Variants in DTX2 observed in about 807,000 individuals in gnomAD.
DTX2 encodes the protein deltex E3 ubiquitin ligase 2, also known as probable E3 ubiquitin-protein ligase DTX2.
A neutral mutation model predicts 55.3 loss-of-function variants in DTX2; 29 were observed. The ratio of observed to expected loss-of-function variants is 0.52; its 90% CI spans 0.39 to 0.71. The LOEUF is 0.71. DTX2 is among the 30% of genes least tolerant of loss of function. DTX2 has a pLI of 0.00. For missense variants in DTX2, 537 were observed against 822.5 expected (o/e 0.65, Z 4.25); for synonymous variants, 276 against 340.4 (o/e 0.81, Z 2.08).
chr7:76,493,764 A>G (rs1255023807), intron 5 of DTX2, among the ~76,000 whole-genome samples: 2 of 124,012 alleles, frequency 1.6e-5, no homozygotes, highest in South Asian at 3.0e-4. Context: ...GTGGAGGGGG[A>G]GGTTTGGCTT....
rs1388377995 is a variant in DTX2 at position 76,498,794 on chromosome 7, G to GTGGA, written c.1150+1317_1150+1318insTGGA. ...GGATTTGGGTTCGGGCAGTCTGTAT[G>GTGGA]GGTGTGTGGAGGTGTGGGGTGTGTG... is the stretch of plus-strand genomic sequence containing the variant. On this transcript the variant is annotated intron_variant, in intron 6 of 10. Transcript: ENST00000430490. Among the ~76,000 whole-genome samples, 567 of 125,888 alleles carry GTGGA rather than the reference G, an allele frequency of 4.5e-3. 1 individual carries two copies. The highest frequency in any genetic ancestry group is 0.011 in the South Asian group (43 of 3,778). The allele number at this position is 125,888 out of a possible 152,430, so 82.6% of individuals were successfully genotyped here. A position where few individuals can be genotyped will look rare whatever the true frequency, so the allele number is the denominator to read the frequency against.
In DTX2 at chr7:76,502,441, C is replaced by A; in HGVS notation, c.1374C>A (p.Tyr458Ter). ...AFHLLCLLAMYCNGNKDGSLQ... is the reference protein window; with the variant it reads ...AFHLLCLLAM ...ACCTGCTGTGCCTCCTGGCCATGTA[C>A]TGCAACGGCAATAAGGTGCCCCCAC... Residue 458 changes from tyrosine to a stop codon, truncating the protein, a stop_gained, in exon 8 of 11, where the codon TAC becomes TAA. Transcript: ENST00000430490. LOFTEE classifies it high-confidence loss of function. 1.2e-6 allele frequency: 2 copies of A among 1,612,088 alleles called. No individual in the cohort carries two copies. The highest frequency in any genetic ancestry group is 1.7e-6 in the Non-Finnish European group (2 of 1,179,872).
chr7:76,486,973 G>A (rs1809999215), intron 4 of DTX2, among the ~76,000 whole-genome samples: 1 of 132,038 alleles, frequency 7.6e-6, no homozygotes, highest in African/African-American at 2.7e-5. Context: ...GGGCCCAGAT[G>A]GAGCCTTGCT....
At chr7:76,479,797 A>G (rs984619465) in intron 2 of DTX2, among the ~76,000 whole-genome samples, 5 of 150,856 alleles carry the variant, frequency 3.3e-5, no homozygotes, top group African/African-American at 4.9e-5. Flanking sequence ...TACATGCATG[A>G]TGAAACACAC....
intron 2 of DTX2, among the ~76,000 whole-genome samples, chr7:76,472,522 T>C (rs1808049866): frequency 6.7e-6 from 1 of 148,158 alleles, no homozygotes; most frequent in Admixed American, 6.8e-5. Flanking sequence ...AGACGGGATT[T>C]CACCATGTTG....
intron 2 of DTX2, among the ~76,000 whole-genome samples, chr7:76,465,308 G>A (rs1421690257): frequency 7.0e-6 from 1 of 143,354 alleles, no homozygotes; most frequent in Non-Finnish European, 1.5e-5. Context: ...GAAGGGAATT[G>A]TGGAGAGGGA....
intron 3 of DTX2, among the ~76,000 whole-genome samples, chr7:76,481,175 C>T (rs561057322): frequency 9.4e-5 from 14 of 148,750 alleles, no homozygotes; most frequent in Non-Finnish European, 1.8e-4. Flanking sequence ...TTTTGGTCTG[C>T]GATGTGTTTT....
chr7:76,480,178 G>A (rs1809007677), intron 2 of DTX2, among the ~76,000 whole-genome samples: 1 of 143,746 alleles, frequency 7.0e-6, no homozygotes, highest in Non-Finnish European at 1.5e-5. Flanking sequence ...GGTGGTGAAT[G>A]CCTATTGTCC....
chr7:76,481,312 G>A (rs1331151864), intron 3 of DTX2, among the ~76,000 whole-genome samples: 3 of 151,828 alleles, frequency 2.0e-5, no homozygotes, highest in Non-Finnish European at 2.9e-5. Context: ...TCAGCCTCCC[G>A]AGTAGCTGGG....
At position 76,488,862 on chromosome 7, in the gene DTX2, C is replaced by T. The variant is rs545759254; in HGVS notation, c.909-3291C>T. ...GCAGTGAGCCGAGATCACGCCACTGCGCTCCAGCCTGGATGACAGAGTGAG... is the reference window on the plus strand; with the variant it reads ...GCAGTGAGCCGAGATCACGCCACTGTGCTCCAGCCTGGATGACAGAGTGAG... On this transcript the variant is annotated intron_variant, in intron 4 of 10. Transcript: ENST00000430490. 4.0e-3 allele frequency among the ~76,000 whole-genome samples: 341 copies of T among 84,642 alleles called. 92 individuals carry two copies. The highest frequency in any genetic ancestry group is 0.018 in the South Asian group (40 of 2,178). The allele number at this position is 84,642 out of a possible 152,430, so 55.5% of individuals were successfully genotyped here.
Position 76,480,631 on chromosome 7 carries a change from T to C in DTX2, c.122T>C (p.Phe41Ser). 6.2e-7 allele frequency: 1 copy of C among 1,613,534 alleles called. No individual in the cohort carries two copies. The highest frequency in any genetic ancestry group is 2.2e-5 in the East Asian group (1 of 44,880). ...CCCTACAGTGCCACCGTCTGCAGCTTCATCGAGCAGCAGTTTGTCCAGCAG... is the reference window on the plus strand; with the variant it reads ...CCCTACAGTGCCACCGTCTGCAGCTCCATCGAGCAGCAGTTTGTCCAGCAG... ...WHPYSATVCS[F>S]IEQQFVQQKG... Residue 41 changes from phenylalanine (F) to serine (S), a missense_variant, in exon 3 of 11, where the codon TTC becomes TCC. Phe to Ser is a radical substitution (Grantham distance 155). This residue lies in a region of DTX2 where 301 missense variants were observed against 396.6 expected (regional missense o/e 0.76). Coordinates refer to ENST00000430490, the MANE Select transcript of DTX2 (RefSeq NM_001102594.3).
intron 2 of DTX2, among the ~76,000 whole-genome samples, chr7:76,467,992 A>C (rs1460723576): frequency 3.3e-5 from 5 of 152,286 alleles, no homozygotes; most frequent in African/African-American, 9.6e-5. Flanking sequence ...GGGCATCCCG[A>C]GGACAGCTTT....
chr7:76,471,109 C>A (rs1464303949), intron 2 of DTX2: 16 of 834,908 alleles, frequency 1.9e-5, no homozygotes, highest in Non-Finnish European at 3.3e-5. Flanking sequence ...TGAACGAAAT[C>A]CTGCTTTGCT....
At chr7:76,477,473 T>C (rs961178216) in intron 2 of DTX2, among the ~76,000 whole-genome samples, 43 of 149,826 alleles carry the variant, frequency 2.9e-4, no homozygotes, top group African/African-American at 8.9e-4. Context: ...GTCTGTGTTA[T>C]CCTCATGAAA....
In DTX2 at chr7:76,505,593, C is replaced by T. The variant is rs144382908; in HGVS notation, c.1861C>T (p.Gln621Ter). 3.8e-4 allele frequency: 585 copies of T among 1,550,882 alleles called. 2 individuals carry two copies. The highest frequency in any genetic ancestry group is 4.8e-4 in the Non-Finnish European group (551 of 1,151,990). The change falls in exon 11 of 11, where the codon CAG becomes TAG. Residue 621 changes from glutamine to a stop codon, truncating the protein, a stop_gained. Coordinates refer to ENST00000430490, the MANE Select transcript of DTX2 (RefSeq NM_001102594.3). LOFTEE classifies it high-confidence loss of function. The surrounding 1 kb of genome is among the most constrained non-coding windows in gnomAD (Gnocchi z 4.4). ...AQGVTEDCLE[Q>*]Q ...GGGGGTGACCGAGGACTGCCTGGAG[C>T]AGCAGTGACCTCGCACCCCAGCACG...
At chr7:76,486,909 C>A (rs1302867782) in intron 4 of DTX2, among the ~76,000 whole-genome samples, 1 of 111,976 alleles carries the variant, frequency 8.9e-6, no homozygotes. Context: ...AAAGAACTCA[C>A]TTCCTCTTCC....
intron 6 of DTX2, among the ~76,000 whole-genome samples, chr7:76,499,385 C>G (rs1811380861): frequency 6.6e-6 from 1 of 150,666 alleles, no homozygotes. Flanking sequence ...CACGCCACCT[C>G]CCTGCCAAAC....
Position 76,482,584 on chromosome 7 carries a change from G to A in DTX2, c.345G>A (p.Leu115=), listed in dbSNP as rs1457847294. ...GCCGAGGTGTCGTCTGGGAGTGGCT[G>A]AGCGACGATGGCTCCTGGACTGCCT... The part of the protein sequence containing the change: ...APGRGVVWEW[L]SDDGSWTAYE... The change falls in exon 4 of 11, where the codon CTG becomes CTA. Residue 115 remains leucine (L), a synonymous_variant. Coordinates refer to ENST00000430490, the MANE Select transcript of DTX2 (RefSeq NM_001102594.3). 1 of 1,613,528 alleles carries A rather than the reference G, an allele frequency of 6.2e-7. No individual in the cohort carries two copies. Among genetic ancestry groups the A allele is most frequent in the African/African-American group, 1.3e-5 (1 of 74,858 alleles).
chr7:76,505,118 G>A lies in DTX2; in HGVS notation c.1642-256G>A, dbSNP rs1812197459. ...CAGGGAGGACTCGAGCATGGTGCCT[G>A]GGCATCAGGACCAAACGGATGGCAG... On this transcript the variant is annotated intron_variant, in intron 10 of 10. Transcript: ENST00000430490. This position sits in a 1 kb window ranked among gnomAD's most constrained non-coding sequence, Gnocchi z 4.4. Among the ~76,000 whole-genome samples the A allele has an allele frequency of 6.6e-6, 1 of 152,074 alleles. No homozygotes were observed. Among genetic ancestry groups the A allele is most frequent in the African/African-American group, 2.4e-5 (1 of 41,410 alleles).
Sources: gnomAD v4.1 joint callset for allele counts (sites outside exome capture counted in the v4.1 genomes callset) on GRCh38, gnomAD v4.1.1 for gene constraint, gnomAD v4.1.1 regional missense constraint, Gnocchi (gnomAD v3.1) non-coding constraint, MANE v1.5 for transcripts, NCBI Gene and HGNC (gene_info 2026-07-23, HGNC 2026-07-21) for gene names.